GRIP1: variants seen among roughly 807,000 people sequenced by gnomAD.
The protein encoded by GRIP1 is glutamate receptor-interacting protein 1.
GRIP1 carries 45 observed loss-of-function variants against 129.9 expected under a neutral mutation model. The ratio of observed to expected loss-of-function variants is 0.35; its 90% CI spans 0.27 to 0.44. GRIP1 has a LOEUF of 0.44. GRIP1 is among the 20% of genes least tolerant of loss of function. The pLI, the probability that GRIP1 is intolerant of heterozygous loss-of-function variation, is 1.00. For missense variants in GRIP1, 1,196 were observed against 1,396.8 expected (o/e 0.86, Z 2.29); for synonymous variants, 530 against 520.8 (o/e 1.02, Z -0.24).
intron 7 of GRIP1, among the ~76,000 whole-genome samples, chr12:66,494,399 CT>C (rs1455341046): frequency 2.0e-5 from 3 of 152,154 alleles, no homozygotes; most frequent in Non-Finnish European, 2.9e-5. Context: ...GCCTTCAAAA[CT>C]TTTACCTATA....
intron 1 of GRIP1, among the ~76,000 whole-genome samples, chr12:66,608,389 G>A (rs1377314850): frequency 6.6e-6 from 1 of 152,174 alleles, no homozygotes; most frequent in Non-Finnish European, 1.5e-5. Flanking sequence ...CTGGAGTGCA[G>A]TGGTGTGATC....
intron 15 of GRIP1, among the ~76,000 whole-genome samples, chr12:66,410,553 G>A (rs2057364410): frequency 1.3e-5 from 2 of 151,866 alleles, no homozygotes; most frequent in South Asian, 2.1e-4. Context: ...TGAGGCAGGA[G>A]AATCGCTTGA....
At chr12:66,785,954 G>A (rs2038329040) in intron 1 of GRIP1, among the ~76,000 whole-genome samples, 1 of 151,642 alleles carries the variant, frequency 6.6e-6, no homozygotes, top group Non-Finnish European at 1.5e-5. Context: ...ATGGTGGCAT[G>A]CACCAATAGT....
intron 1 of GRIP1, among the ~76,000 whole-genome samples, chr12:67,017,387 G>A (rs1002013957): frequency 2.0e-5 from 3 of 152,086 alleles, no homozygotes; most frequent in African/African-American, 7.2e-5. Flanking sequence ...GTGGCATTAG[G>A]TTGGGCCTTG....
intron 1 of GRIP1, among the ~76,000 whole-genome samples, chr12:66,859,255 T>G (rs2040059621): frequency 9.7e-6 from 1 of 103,562 alleles, no homozygotes. Context: ...TCTCCACATT[T>G]TCTGAAAAAA....
At chr12:66,826,056 C>T (rs1158674280) in intron 1 of GRIP1, among the ~76,000 whole-genome samples, 1 of 152,146 alleles carries the variant, frequency 6.6e-6, no homozygotes, top group South Asian at 2.1e-4. Flanking sequence ...TTGGAACCAA[C>T]TGAAATGCCC....
intron 1 of GRIP1, among the ~76,000 whole-genome samples, chr12:66,829,130 T>C (rs551590833): frequency 1.3e-5 from 2 of 152,278 alleles, no homozygotes; most frequent in East Asian, 3.9e-4. Flanking sequence ...ACCTCTTACA[T>C]GATCTTGAGA....
intron 16 of GRIP1, among the ~76,000 whole-genome samples, chr12:66,398,524 G>C (rs971628485): frequency 1.3e-5 from 2 of 151,956 alleles, no homozygotes; most frequent in African/African-American, 2.4e-5. Flanking sequence ...TTACTTTAAA[G>C]CTTGGCTCAG....
At position 66,418,252 on chromosome 12, in the gene GRIP1, C is replaced by A. The variant is rs1032150795; in HGVS notation, c.1838+2468G>T. Among the ~76,000 whole-genome samples the A allele has an allele frequency of 3.9e-5, 6 of 152,118 alleles. No individual in the cohort carries two copies. In the South Asian group the frequency reaches 1.2e-3, roughly 31 times the overall value. On this transcript the variant is annotated intron_variant, in intron 15 of 24. Coordinates refer to ENST00000359742, the MANE Select transcript of GRIP1 (RefSeq NM_001366722.1). ...AATATCAACATGCAGAAGAAAAAAA[C>A]TAGACAGCTATTTCTTGCCATATAC...
chr12:66,461,253 G>T (rs1334802692), intron 9 of GRIP1, among the ~76,000 whole-genome samples: 2 of 152,194 alleles, frequency 1.3e-5, no homozygotes, highest in Non-Finnish European at 2.9e-5. Context: ...GATTACTAAA[G>T]ATGCTAACAT....
chr12:66,755,283 A>C (rs2037252357), intron 1 of GRIP1, among the ~76,000 whole-genome samples: 2 of 152,196 alleles, frequency 1.3e-5, no homozygotes, highest in Non-Finnish European at 2.9e-5. Flanking sequence ...CTTTCATTGC[A>C]TTATGTGATA....
chr12:66,859,267 ACAAAAAAACAAAAAAACAAAAAAAC>A lies in GRIP1; in HGVS notation c.58+209758_58+209782del, dbSNP rs1342853225. Among the ~76,000 whole-genome samples the A allele has an allele frequency of 7.8e-3, 978 of 125,350 alleles. 77 individuals are homozygous for A. The highest frequency in any genetic ancestry group is 0.016 in the South Asian group (61 of 3,910). The allele number at this position is 125,350 out of a possible 152,430, so 82.2% of individuals were successfully genotyped here. On this transcript the variant is annotated intron_variant, in intron 1 of 1. Transcript: ENST00000643019. ...TATTCTCCACATTTTCTGAAAAAAA[ACAAAAAAACAAAAAAACAAAAAAAC>A]AAAAAAACAAAAAAAAACCAGTATT... is the stretch of plus-strand genomic sequence containing the variant.
chr12:66,379,141 T>C (rs2055972000), intron 20 of GRIP1, 139 bp downstream of exon 20: 17 of 994,158 alleles, frequency 1.7e-5, no homozygotes, highest in Non-Finnish European at 2.5e-5. Flanking sequence ...AATCCTGCCA[T>C]GTGGCCAGCA....
At chr12:66,570,241 C>T (rs2062914264) in intron 2 of GRIP1, among the ~76,000 whole-genome samples, 1 of 152,144 alleles carries the variant, frequency 6.6e-6, no homozygotes, top group African/African-American at 2.4e-5. Context: ...CCTCAGCCTC[C>T]TGAGTAGCTG....
At chr12:66,954,790 A>G (rs2041812752) in intron 1 of GRIP1, among the ~76,000 whole-genome samples, 2 of 152,194 alleles carry the variant, frequency 1.3e-5, no homozygotes, top group Admixed American at 1.3e-4. Flanking sequence ...GACATTTAAA[A>G]AGCACATAAT....
At chr12:66,623,113 A>AT (rs1471631606) in intron 1 of GRIP1, among the ~76,000 whole-genome samples, 1 of 152,164 alleles carries the variant, frequency 6.6e-6, no homozygotes, top group Non-Finnish European at 1.5e-5. Flanking sequence ...GAATGAATGA[A>AT]CCAGACTAAT....
At chr12:66,940,054 A>G (rs2041558875) in intron 1 of GRIP1, among the ~76,000 whole-genome samples, 1 of 152,174 alleles carries the variant, frequency 6.6e-6, no homozygotes, top group Admixed American at 6.5e-5. Context: ...TCTTATTAGT[A>G]GAAAAAAATC....
At position 66,839,821 on chromosome 12, in the gene GRIP1, C is replaced by G. The variant is rs73132982; in HGVS notation, c.58+229229G>C. On this transcript the variant is annotated intron_variant, in intron 1 of 1. Coordinates refer to the GRIP1 transcript ENST00000643019. ...AATGGCACTTACTCTGTGCAAGGCA[C>G]TCTGCTAAGCGCTTCAGATTAACAG... 1.7e-3 allele frequency among the ~76,000 whole-genome samples: 253 copies of G among 152,336 alleles called. 2 individuals carry two copies. The highest frequency in any genetic ancestry group is 2.4e-3 in the Non-Finnish European group (165 of 68,020).
intron 8 of GRIP1, among the ~76,000 whole-genome samples, chr12:66,464,954 C>CTTT (rs62769560): frequency 3.7e-4 from 35 of 93,622 alleles, no homozygotes; most frequent in Admixed American, 3.0e-3. Context: ...TTCTTTCTTT[C>CTTT]TTTTTTTTTT....
Sources: allele counts gnomAD v4.1 joint callset (sites outside exome capture counted in the v4.1 genomes callset), GRCh38; gene constraint gnomAD v4.1.1; transcripts MANE v1.5; gene names NCBI Gene and HGNC (gene_info 2026-07-23, HGNC 2026-07-21).